The following WWOX variants were observed in gnomAD, a reference collection of about 807,000 sequenced individuals.
The protein encoded by WWOX is WW domain-containing oxidoreductase.
WWOX carries 69 observed loss-of-function variants against 46.2 expected under a neutral mutation model. The observed-to-expected ratio is 1.49, with a 90% CI of 1.23 to 1.82. The LOEUF is 1.82. WWOX is among the 40% of genes most tolerant of loss of function. The pLI is 0.00. For missense variants in WWOX, 919 were observed against 542.6 expected (o/e 1.69, Z -6.89); for synonymous variants, 359 against 202.6 (o/e 1.77, Z -6.56).
At chr16:78,924,998 C>G (rs564536469) in intron 8 of WWOX, among the ~76,000 whole-genome samples, 2 of 152,240 alleles carry the variant, frequency 1.3e-5, no homozygotes, top group African/African-American at 4.8e-5. Context: ...CGTTCAAGAC[C>G]AGCCTGGGCA....
At chr16:78,321,693 C>G (rs1279716195) in intron 5 of WWOX, among the ~76,000 whole-genome samples, 1 of 151,990 alleles carries the variant, frequency 6.6e-6, no homozygotes, top group Non-Finnish European at 1.5e-5. Flanking sequence ...GATTGGAAGC[C>G]GCGTGGTAGT....
At chr16:78,604,096 A>G (rs1171381658) in intron 8 of WWOX, among the ~76,000 whole-genome samples, 1 of 152,176 alleles carries the variant, frequency 6.6e-6, no homozygotes, top group African/African-American at 2.4e-5. Context: ...GTGAGCTGTG[A>G]TCACGCCACT....
At chr16:79,132,173 C>T (rs971126923) in intron 8 of WWOX, among the ~76,000 whole-genome samples, 3 of 151,300 alleles carry the variant, frequency 2.0e-5, no homozygotes, top group Non-Finnish European at 4.4e-5. Context: ...CACACCCCTT[C>T]CTACGTCCTA....
chr16:78,879,876 T>TTA (rs2044307993), intron 8 of WWOX, among the ~76,000 whole-genome samples: 1 of 75,466 alleles, frequency 1.3e-5, no homozygotes, highest in Non-Finnish European at 3.0e-5. Flanking sequence ...AAACTCTGTC[T>TTA]CAAAAAAAAA....
intron 8 of WWOX, among the ~76,000 whole-genome samples, chr16:78,713,116 T>A (rs1166023000): frequency 6.6e-6 from 1 of 151,250 alleles, no homozygotes; most frequent in East Asian, 2.0e-4. Context: ...ACACCGAATT[T>A]AAAAACTTAG....
chr16:78,684,210 A>G (rs999440305), intron 8 of WWOX, among the ~76,000 whole-genome samples: 1 of 152,020 alleles, frequency 6.6e-6, no homozygotes, highest in African/African-American at 2.4e-5. Context: ...CATCTTTCCC[A>G]TTGGTAGATT....
chr16:78,980,815 G>T (rs976034751), intron 8 of WWOX, among the ~76,000 whole-genome samples: 1 of 152,182 alleles, frequency 6.6e-6, no homozygotes, highest in Admixed American at 6.5e-5. Flanking sequence ...GGAATAGATA[G>T]GGTTATCTTG....
At chr16:78,704,112 T>A (rs1191755371) in intron 8 of WWOX, among the ~76,000 whole-genome samples, 1 of 151,856 alleles carries the variant, frequency 6.6e-6, no homozygotes. Flanking sequence ...CAGCACGTCA[T>A]GGTGGAAAGG....
chr16:78,346,736 G>C lies in WWOX; in HGVS notation c.517-40124G>C, dbSNP rs960763853. ...TTTACTTTTTTTGAGATGGAGTCTCGCTCTGTTGCCCAGTCTGGAGAGCAG... is the reference window on the plus strand; with the variant it reads ...TTTACTTTTTTTGAGATGGAGTCTCCCTCTGTTGCCCAGTCTGGAGAGCAG... On this transcript the variant is annotated intron_variant, in intron 5 of 8. Transcript: ENST00000566780. Among the ~76,000 whole-genome samples, 6 of 118,614 alleles carry C rather than the reference G, an allele frequency of 5.1e-5. 1 individual carries two copies. Among genetic ancestry groups the C allele is most frequent in the Non-Finnish European group, 4.0e-5 (2 of 49,972 alleles). 77.8% of individuals were successfully genotyped at this position (118,614 alleles called of 152,430 possible).
chr16:78,630,174 T>C (rs2046394767), intron 8 of WWOX, among the ~76,000 whole-genome samples: 1 of 152,152 alleles, frequency 6.6e-6, no homozygotes, highest in African/African-American at 2.4e-5. Context: ...GATGATGGCG[T>C]GATGATTGTG....
At chr16:78,657,908 A>G (rs767333897) in intron 8 of WWOX, among the ~76,000 whole-genome samples, 7 of 152,092 alleles carry the variant, frequency 4.6e-5, no homozygotes, top group Non-Finnish European at 8.8e-5. Flanking sequence ...CTCATTAGAA[A>G]GTATAGTGTA....
intron 8 of WWOX, among the ~76,000 whole-genome samples, chr16:78,976,304 A>T (rs537709945): frequency 6.6e-6 from 1 of 152,158 alleles, no homozygotes; most frequent in South Asian, 2.1e-4. Context: ...TTTATTTCTT[A>T]CGTAGTTTTG....
chr16:78,393,415 T>C (rs968039494), intron 6 of WWOX, among the ~76,000 whole-genome samples: 7 of 152,124 alleles, frequency 4.6e-5, no homozygotes, highest in Admixed American at 1.3e-4. Flanking sequence ...CCCAGCGCTT[T>C]TGGGAGGCCA....
At chr16:79,196,845 A>G (rs1053158695) in intron 8 of WWOX, among the ~76,000 whole-genome samples, 2 of 152,168 alleles carry the variant, frequency 1.3e-5, no homozygotes, top group African/African-American at 4.8e-5. Flanking sequence ...TAGGGAAATA[A>G]TGAAGTCTAA....
intron 8 of WWOX, among the ~76,000 whole-genome samples, chr16:78,627,720 A>G (rs1034522959): frequency 6.6e-6 from 1 of 152,240 alleles, no homozygotes; most frequent in African/African-American, 2.4e-5. Flanking sequence ...ACTCTGGAAC[A>G]ACATGGAGGC....
intron 8 of WWOX, among the ~76,000 whole-genome samples, chr16:78,956,960 G>A (rs779200231): frequency 6.6e-6 from 1 of 152,186 alleles, no homozygotes; most frequent in Non-Finnish European, 1.5e-5. Context: ...GTCCCTCCCA[G>A]TACGTGGGTA....
At chr16:78,576,266 A>G (rs2044877418) in intron 8 of WWOX, among the ~76,000 whole-genome samples, 2 of 152,210 alleles carry the variant, frequency 1.3e-5, no homozygotes, top group South Asian at 4.1e-4. Context: ...CTTTTCTACA[A>G]CAAATAATGC....
chr16:78,833,429 C>T (rs971793238), intron 8 of WWOX, among the ~76,000 whole-genome samples: 1 of 30,722 alleles, frequency 3.3e-5, no homozygotes, highest in South Asian at 9.3e-4. Flanking sequence ...CCATCTCCTC[C>T]TCCTCCTCCT....
chr16:78,202,262 C>T (rs1025506838), intron 5 of WWOX, among the ~76,000 whole-genome samples: 1 of 152,190 alleles, frequency 6.6e-6, no homozygotes, highest in African/African-American at 2.4e-5. Flanking sequence ...GTTGTTGGTC[C>T]TGGTGCAACA....
Sources: allele counts gnomAD v4.1 joint callset (sites outside exome capture counted in the v4.1 genomes callset), GRCh38; gene constraint gnomAD v4.1.1; transcripts MANE v1.5; gene names NCBI Gene and HGNC (gene_info 2026-07-23, HGNC 2026-07-21).